Variants in HACD3 observed in about 807,000 individuals in gnomAD.
HACD3 encodes the protein very-long-chain (3R)-3-hydroxyacyl-CoA dehydratase 3.
A neutral mutation model predicts 55.2 loss-of-function variants in HACD3; 30 were observed. The observed-to-expected ratio is 0.54, with a 90% confidence interval of 0.41 to 0.74. The LOEUF is 0.74. Ranked by LOEUF, HACD3 falls within the 30% of genes least tolerant of loss-of-function variation. The pLI is 0.00. For missense variants in HACD3, 363 were observed against 440.1 expected (o/e 0.82, Z 1.57); for synonymous variants, 141 against 151.7 (o/e 0.93, Z 0.52).
rs1192339338 is a variant in HACD3, at chr15:65,556,726, C to T, written c.205-13C>T. On this transcript the variant is annotated splice_polypyrimidine_tract_variant and intron_variant, in intron 3 of 10. Coordinates refer to ENST00000261875, the MANE Select transcript of HACD3 (RefSeq NM_016395.4). ...AGAAGAGGGCATTCTCACATTTTCA[C>T]TTTCTCTCCTAGCCTGTTTACAAAC... 1 of 1,587,186 alleles carries T rather than the reference C, an allele frequency of 6.3e-7. No homozygotes were observed. The highest frequency in any genetic ancestry group is 1.3e-5 in the African/African-American group (1 of 74,680).
chr15:65,530,840 G>A (rs1291025048), intron 1 of HACD3, 122 bp downstream of exon 1: 10 of 946,926 alleles, frequency 1.1e-5, no homozygotes, highest in Non-Finnish European at 1.5e-5. Flanking sequence ...CAAGGTCGGC[G>A]ACGCGGTGCG....
At chr15:65,559,247 TCTG>T (rs2072222622) in intron 5 of HACD3, among the ~76,000 whole-genome samples, 1 of 152,144 alleles carries the variant, frequency 6.6e-6, no homozygotes. Context: ...TGTATTATCT[TCTG>T]GGTGATGTAG....
At chr15:65,532,450 AC>A (rs913730700) in intron 1 of HACD3, among the ~76,000 whole-genome samples, 5 of 151,934 alleles carry the variant, frequency 3.3e-5, no homozygotes, top group Non-Finnish European at 7.4e-5. Flanking sequence ...ACATGGAGAA[AC>A]CCCATCTCTA....
chr15:65,576,152 A>G, intron 10 of HACD3, 151 bp from the exon 11 acceptor site: 1 of 1,159,878 alleles, frequency 8.6e-7, no homozygotes, highest in South Asian at 1.5e-5. Flanking sequence ...TGTATTGTTA[A>G]TTTGTTCTAA....
intron 1 of HACD3, among the ~76,000 whole-genome samples, chr15:65,543,402 T>TA (rs1287647916): frequency 6.6e-6 from 1 of 152,154 alleles, no homozygotes; most frequent in Non-Finnish European, 1.5e-5. Flanking sequence ...TGCAAGTAAT[T>TA]AGTAGGTTTA....
At chr15:65,537,784 C>G (rs1441515398) in intron 1 of HACD3, among the ~76,000 whole-genome samples, 1 of 24,970 alleles carries the variant, frequency 4.0e-5, no homozygotes, top group Non-Finnish European at 6.4e-5. Flanking sequence ...TAGAGAGAGA[C>G]TCTGTCTCAA....
intron 1 of HACD3, among the ~76,000 whole-genome samples, chr15:65,537,521 TG>T (rs1215414158): frequency 2.6e-5 from 4 of 151,568 alleles, no homozygotes; most frequent in East Asian, 1.9e-4. Flanking sequence ...CCGGGCATGG[TG>T]GCTCATGTCT....
At chr15:65,555,085 T>A in intron 3 of HACD3, 125 bp downstream of exon 3, 1 of 767,696 alleles carries the variant, frequency 1.3e-6, no homozygotes, top group Non-Finnish European at 2.1e-6. Flanking sequence ...ATAGAGTTCT[T>A]TTATTTGGAA....
rs140268933 is a variant in HACD3, at chr15:65,535,637, G to C, written c.87+4919G>C. The C allele has an allele frequency of 1.7e-4, 69 of 401,318 alleles. No homozygotes were observed. In the East Asian group the frequency reaches 2.5e-3, roughly 14 times the overall value. 24.9% of individuals were successfully genotyped at this position (401,318 alleles called of 1,614,324 possible). A position where few individuals can be genotyped will look rare whatever the true frequency, so the allele number is the denominator to read the frequency against. ...TTTTGTTAATTCTTGGAATAGTTCA[G>C]ATTTTTTCATTATTATTATATCTGT... On this transcript the variant is annotated intron_variant, in intron 1 of 10. Transcript: ENST00000261875.
At chr15:65,574,693 G>A (rs888251270) in intron 10 of HACD3, 5 of 150,712 alleles carry the variant, frequency 3.3e-5, no homozygotes, top group Admixed American at 1.3e-4. Context: ...GTAGGCCCAC[G>A]TCATTTGCAA....
intron 3 of HACD3, among the ~76,000 whole-genome samples, chr15:65,556,462 G>A (rs981170504): frequency 1.6e-4 from 24 of 152,200 alleles, no homozygotes; most frequent in Non-Finnish European, 3.5e-4. Context: ...TGCAAGTGAT[G>A]GAGAGCGAGT....
At chr15:65,551,944 GAA>G (rs767105130) in intron 2 of HACD3, 3,137 of 334,020 alleles carry the variant, frequency 9.4e-3, no homozygotes, top group East Asian at 0.012. Flanking sequence ...TACAGTGAAG[GAA>G]AAAAAAAAAA....
intron 10 of HACD3, 47 bp downstream of exon 10, chr15:65,572,413 A>G: frequency 6.8e-7 from 1 of 1,462,056 alleles, no homozygotes; most frequent in Non-Finnish European, 9.2e-7. Context: ...CACTTCTTAG[A>G]CAGTAGAATT....
rs368572140 is a variant in HACD3 at position 65,550,158 on chromosome 15, C to T, written c.88-1518C>T. On this transcript the variant is annotated intron_variant, in intron 1 of 10. Coordinates refer to ENST00000261875, the MANE Select transcript of HACD3 (RefSeq NM_016395.4). ...ATCCCAGCACTTTGGGAGGCCGAGG[C>T]AGGCAGATCACCTGAGGTCAGGAGT... is the stretch of plus-strand genomic sequence containing the variant. Among the ~76,000 whole-genome samples, 97 of 152,234 alleles carry T rather than the reference C, an allele frequency of 6.4e-4. 1 individual carries two copies. Among genetic ancestry groups the T allele is most frequent in the African/African-American group, 2.3e-3 (95 of 41,554 alleles).
chr15:65,568,975 C>T (rs1167102248), intron 7 of HACD3, among the ~76,000 whole-genome samples: 1 of 152,084 alleles, frequency 6.6e-6, no homozygotes, highest in East Asian at 1.9e-4. Context: ...TGGCCGGGCG[C>T]GGTGGCTCAT....
intron 2 of HACD3, among the ~76,000 whole-genome samples, chr15:65,552,421 C>T (rs113178169): frequency 0.057 from 8,714 of 152,216 alleles, 861 homozygotes; most frequent in African/African-American, 0.2. Flanking sequence ...CTGCAACCTC[C>T]GCCTCCTGGG....
chr15:65,573,080 G>T (rs1352954837), intron 10 of HACD3, among the ~76,000 whole-genome samples: 1 of 151,824 alleles, frequency 6.6e-6, no homozygotes, highest in Non-Finnish European at 1.5e-5. Flanking sequence ...AGGAAGAAGG[G>T]AATAAAGGCC....
intron 1 of HACD3, among the ~76,000 whole-genome samples, chr15:65,537,621 T>C (rs543712444): frequency 1.9e-4 from 29 of 150,518 alleles, no homozygotes; most frequent in African/African-American, 5.6e-4. Context: ...CGAAACCCCG[T>C]CTCTACTAAA....
In HACD3 at chr15:65,564,321, G is replaced by A. The variant is rs770153021; in HGVS notation, c.639G>A (p.Pro213=). The A allele has an allele frequency of 1.5e-4, 234 of 1,613,318 alleles. No individual in the cohort carries two copies. Among genetic ancestry groups the A allele is most frequent in the Middle Eastern group, 5.0e-4 (3 of 6,058 alleles). ...CAGCAATTGGAGTCACTACGTCACC[G>A]GTGCTGCCTTCTCTGATCCAGGTAT... ...INAAIGVTTS[P]VLPSLIQLLG... is the part of the protein sequence containing the mutation. Residue 213 remains proline, a synonymous_variant, in exon 7 of 11, where the codon CCG becomes CCA. Transcript: ENST00000261875.
Sources: gnomAD v4.1 joint callset for allele counts (sites outside exome capture counted in the v4.1 genomes callset) on GRCh38, gnomAD v4.1.1 for gene constraint, MANE v1.5 for transcripts, NCBI Gene and HGNC (gene_info 2026-07-23, HGNC 2026-07-21) for gene names.